ASTN2: variants seen among roughly 807,000 people sequenced by gnomAD.
The protein encoded by ASTN2 is astrotactin-2.
Under a neutral mutation model 139.8 loss-of-function variants are expected in ASTN2, and 54 were observed. That is an observed-to-expected ratio of 0.39 (90% confidence interval 0.31 to 0.48). The LOEUF (loss-of-function observed/expected upper bound fraction) is 0.48, where lower values mean the gene tolerates loss of function less well. Among genes scored for constraint, ASTN2 ranks in the 20% least tolerant of loss-of-function variants. ASTN2 has a pLI of 0.95. For missense variants in ASTN2, 1,565 were observed against 1,725.1 expected (o/e 0.91, Z 1.64); for synonymous variants, 756 against 719.5 (o/e 1.05, Z -0.81).
At chr9:117,395,428 T>C (rs1028369892) in intron 1 of ASTN2, among the ~76,000 whole-genome samples, 1 of 152,108 alleles carries the variant, frequency 6.6e-6, no homozygotes, top group Non-Finnish European at 1.5e-5. Context: ...ATCCCCAAAA[T>C]AGGTTTTGAA....
Position 116,705,647 on chromosome 9 carries a change from G to A in ASTN2, c.2806+20124C>T, listed in dbSNP as rs562102461. Among the ~76,000 whole-genome samples, 20 of 152,236 alleles carry A rather than the reference G, an allele frequency of 1.3e-4. 1 individual carries two copies. Among genetic ancestry groups the A allele is most frequent in the Admixed American group, 1.3e-3 (20 of 15,290 alleles). On this transcript the variant is annotated intron_variant, in intron 16 of 22. Transcript: ENST00000313400. ...TATTATTATTAGCAATACTTAATAT[G>A]AGTAATGAATGCAAAGAAAATCAGT...
At chr9:116,525,226 T>C (rs1038184710) in intron 19 of ASTN2, among the ~76,000 whole-genome samples, 4 of 152,204 alleles carry the variant, frequency 2.6e-5, no homozygotes, top group African/African-American at 7.2e-5. Context: ...CTGTGGAACT[T>C]TGAACTTTAC....
intron 10 of ASTN2, among the ~76,000 whole-genome samples, chr9:116,907,258 G>A (rs1834186954): frequency 1.3e-5 from 2 of 152,148 alleles, no homozygotes; most frequent in Admixed American, 1.3e-4. Flanking sequence ...CTTTTCCCTG[G>A]CCTGCAGCAG....
chr9:117,149,875 G>A (rs1291242619), intron 3 of ASTN2, among the ~76,000 whole-genome samples: 1 of 152,114 alleles, frequency 6.6e-6, no homozygotes, highest in Non-Finnish European at 1.5e-5. Context: ...TCTCATTTTA[G>A]TTTTTCCTCC....
At chr9:117,262,413 A>AT (rs201046437) in intron 2 of ASTN2, among the ~76,000 whole-genome samples, 27,593 of 116,982 alleles carry the variant, frequency 0.24, 2,903 homozygotes, top group Middle Eastern at 0.31. Flanking sequence ...TTATTTATTT[A>AT]TTTATTTTTT....
chr9:117,342,109 T>C (rs946655396), intron 1 of ASTN2, among the ~76,000 whole-genome samples: 1 of 152,174 alleles, frequency 6.6e-6, no homozygotes, highest in African/African-American at 2.4e-5. Context: ...TTTCATGTCA[T>C]GTATTACAAA....
chr9:117,365,313 A>AAGAGAAAG (rs1310816841), intron 1 of ASTN2, among the ~76,000 whole-genome samples: 3 of 148,062 alleles, frequency 2.0e-5, no homozygotes, highest in African/African-American at 7.7e-5. Flanking sequence ...GAAAGAAAGA[A>AAGAGAAAG]AAAGAAAGAA....
At chr9:116,826,953 T>C (rs1831647091) in intron 11 of ASTN2, among the ~76,000 whole-genome samples, 1 of 152,146 alleles carries the variant, frequency 6.6e-6, no homozygotes, top group Non-Finnish European at 1.5e-5. Context: ...GGAAAGTTTA[T>C]AGCATTAAAT....
chr9:116,615,658 A>G (rs1402280201), intron 19 of ASTN2, among the ~76,000 whole-genome samples: 1 of 148,266 alleles, frequency 6.7e-6, no homozygotes, highest in Non-Finnish European at 1.5e-5. Context: ...TCTCACTCAT[A>G]GGTGGGAATT....
intron 5 of ASTN2, among the ~76,000 whole-genome samples, chr9:117,082,672 A>C (rs1443324822): frequency 3.3e-5 from 5 of 152,186 alleles, no homozygotes; most frequent in Non-Finnish European, 7.3e-5. Context: ...GCATGGTGGC[A>C]CATGCCTGTG....
intron 2 of ASTN2, among the ~76,000 whole-genome samples, chr9:117,228,109 C>T (rs1044952179): frequency 5.3e-5 from 8 of 152,084 alleles, no homozygotes; most frequent in African/African-American, 1.9e-4. Flanking sequence ...AAATGATCAA[C>T]AATAACAGGT....
intron 1 of ASTN2, among the ~76,000 whole-genome samples, chr9:117,314,087 T>G (rs574087816): frequency 6.6e-6 from 1 of 152,328 alleles, no homozygotes; most frequent in South Asian, 2.1e-4. Flanking sequence ...TCCTTAAGGC[T>G]TAAATCCCCA....
intron 10 of ASTN2, among the ~76,000 whole-genome samples, chr9:116,918,630 G>A (rs1205011472): frequency 1.3e-5 from 2 of 151,502 alleles, no homozygotes; most frequent in Non-Finnish European, 2.9e-5. Flanking sequence ...CTCTCTCTGT[G>A]TTTCCCTCCT....
rs62565802 is a variant in ASTN2, at chr9:116,892,212, C to T, written c.1890-28479G>A. 2.8e-3 allele frequency among the ~76,000 whole-genome samples: 425 copies of T among 152,266 alleles called. 1 individual carries two copies. Among genetic ancestry groups the T allele is most frequent in the Non-Finnish European group, 3.6e-3 (242 of 68,030 alleles). On this transcript the variant is annotated intron_variant, in intron 10 of 22. Transcript: ENST00000313400. Reference sequence around the variant, plus strand: ...TAAATTTAGAAATACTGTTCTTGCTCACTCTTTTGTTTCAGTAAAACTACT... The same window carrying T: ...TAAATTTAGAAATACTGTTCTTGCTTACTCTTTTGTTTCAGTAAAACTACT...
chr9:116,626,185 T>TTTTTTA (rs1856453457), intron 17 of ASTN2, among the ~76,000 whole-genome samples: 1 of 114,452 alleles, frequency 8.7e-6, no homozygotes, highest in African/African-American at 4.1e-5. Flanking sequence ...TTTTTTTTTT[T>TTTTTTA]GGTAGAGACA....
chr9:117,098,898 A>G (rs1828903302), intron 4 of ASTN2, among the ~76,000 whole-genome samples: 2 of 152,084 alleles, frequency 1.3e-5, no homozygotes. Flanking sequence ...GCCTGAGTTC[A>G]GGAGTTCGAG....
At chr9:116,772,376 A>G (rs1249237452) in intron 13 of ASTN2, among the ~76,000 whole-genome samples, 1 of 152,132 alleles carries the variant, frequency 6.6e-6, no homozygotes, top group South Asian at 2.1e-4. Flanking sequence ...GCCACCATGT[A>G]AGACGTGCCT....
At chr9:117,390,236 A>G (rs550499288) in intron 1 of ASTN2, among the ~76,000 whole-genome samples, 39 of 152,310 alleles carry the variant, frequency 2.6e-4, no homozygotes, top group African/African-American at 9.1e-4. Flanking sequence ...GAGAAAGTAC[A>G]GAGAATTCCA....
intron 1 of ASTN2, among the ~76,000 whole-genome samples, chr9:117,375,716 C>A (rs1830104967): frequency 6.6e-6 from 1 of 152,154 alleles, no homozygotes; most frequent in Non-Finnish European, 1.5e-5. Context: ...TTTCCCATTG[C>A]TGCTGTAACG....
Sources: gnomAD v4.1 joint callset for allele counts (sites outside exome capture counted in the v4.1 genomes callset) on GRCh38, gnomAD v4.1.1 for gene constraint, MANE v1.5 for transcripts, NCBI Gene and HGNC (gene_info 2026-07-23, HGNC 2026-07-21) for gene names.